Variants in MAGI1 observed in about 807,000 individuals in gnomAD.
MAGI1 encodes the protein membrane-associated guanylate kinase, WW and PDZ domain-containing protein 1.
MAGI1 carries 58 observed loss-of-function variants against 139.9 expected under a neutral mutation model. The observed-to-expected ratio is 0.41, with a 90% confidence interval of 0.34 to 0.52. The LOEUF is 0.52. Among genes scored for constraint, MAGI1 ranks in the 20% least tolerant of loss-of-function variants. The pLI is 0.12. For synonymous variants in MAGI1, 812 were observed against 737.9 expected (o/e 1.10, Z -1.63); for missense variants, 1,874 against 1,901.6 (o/e 0.99, Z 0.27).
At chr3:65,744,367 C>T (rs2035519775) in intron 1 of MAGI1, among the ~76,000 whole-genome samples, 1 of 152,180 alleles carries the variant, frequency 6.6e-6, no homozygotes, top group African/African-American at 2.4e-5. Flanking sequence ...CTGGCTTCTA[C>T]CTCCCTCCGA....
At chr3:65,375,186 A>G (rs944158152) in intron 18 of MAGI1, among the ~76,000 whole-genome samples, 1 of 148,504 alleles carries the variant, frequency 6.7e-6, no homozygotes, top group Non-Finnish European at 1.5e-5. Flanking sequence ...TTTTTCTGAA[A>G]CTTTTTTTTT....
intron 1 of MAGI1, among the ~76,000 whole-genome samples, chr3:65,899,785 G>A (rs548441175): frequency 6.6e-6 from 1 of 152,250 alleles, no homozygotes; most frequent in East Asian, 1.9e-4. Flanking sequence ...TTCTGAATGG[G>A]ACTTTCAAAG....
At chr3:65,795,518 A>G (rs2040068108) in intron 1 of MAGI1, among the ~76,000 whole-genome samples, 1 of 152,148 alleles carries the variant, frequency 6.6e-6, no homozygotes, top group African/African-American at 2.4e-5. Context: ...AGTGACTGAG[A>G]GGGGTTTTGT....
Position 65,921,919 on chromosome 3 carries a change from GACACACACACACAC to G in MAGI1, c.313+116063_313+116076del, listed in dbSNP as rs35532734. Among the ~76,000 whole-genome samples, 17 of 140,844 alleles carry G rather than the reference GACACACACACACAC, an allele frequency of 1.2e-4. No homozygotes were observed. The East Asian group carries it at 2.9e-3, about 24-fold the overall frequency. The allele number at this position is 140,844 out of a possible 152,430, so 92.4% of individuals were successfully genotyped here. On this transcript the variant is annotated intron_variant, in intron 1 of 22. Coordinates refer to ENST00000402939, the MANE Select transcript of MAGI1 (RefSeq NM_001033057.2). ...AGACCCTATCTCCAACCACACACAC[GACACACACACACAC>G]ACACACACACACACACACACACTAC...
At chr3:65,888,006 A>T (rs2060598414) in intron 1 of MAGI1, among the ~76,000 whole-genome samples, 1 of 152,184 alleles carries the variant, frequency 6.6e-6, no homozygotes, top group Admixed American at 6.5e-5. Context: ...TCAATATGGT[A>T]TATTCTGTGT....
Position 65,500,250 on chromosome 3 carries a change from T to C in MAGI1, c.431-6619A>G, listed in dbSNP as rs72898103. ...ACTGCTCATCACTTAAACAGGGTCC[T>C]TTTTAAGTATTTAAGTACCTCCAAG... On this transcript the variant is annotated intron_variant, in intron 2 of 22. Coordinates refer to ENST00000402939, the MANE Select transcript of MAGI1 (RefSeq NM_001033057.2). Among the ~76,000 whole-genome samples, 1,090 of 152,324 alleles carry C rather than the reference T, an allele frequency of 7.2e-3. 21 individuals are homozygous for C. The highest frequency in any genetic ancestry group is 0.025 in the African/African-American group (1,057 of 41,574).
intron 2 of MAGI1, among the ~76,000 whole-genome samples, chr3:65,599,214 G>A (rs1298082040): frequency 6.6e-6 from 1 of 152,156 alleles, no homozygotes; most frequent in Non-Finnish European, 1.5e-5. Flanking sequence ...ATTACAAATG[G>A]GTGGATCATA....
chr3:66,002,004 T>C (rs906066359), intron 1 of MAGI1, among the ~76,000 whole-genome samples: 4 of 152,180 alleles, frequency 2.6e-5, no homozygotes, highest in Non-Finnish European at 4.4e-5. Flanking sequence ...TCAAGTCTTA[T>C]AAGCCCCAGT....
chr3:65,403,252 T>C (rs1413121341), intron 12 of MAGI1, among the ~76,000 whole-genome samples: 1 of 152,154 alleles, frequency 6.6e-6, no homozygotes, highest in Non-Finnish European at 1.5e-5. Flanking sequence ...CTTTTCACCC[T>C]CCTTAGCTAA....
chr3:65,716,234 A>C (rs2032228987), intron 1 of MAGI1, among the ~76,000 whole-genome samples: 1 of 152,190 alleles, frequency 6.6e-6, no homozygotes, highest in Non-Finnish European at 1.5e-5. Context: ...ACAGAGAATG[A>C]TACAGGGACT....
At chr3:65,866,126 T>C (rs1359481713) in intron 1 of MAGI1, among the ~76,000 whole-genome samples, 1 of 151,384 alleles carries the variant, frequency 6.6e-6, no homozygotes, top group Non-Finnish European at 1.5e-5. Flanking sequence ...AATATATAAA[T>C]ATAAAACATG....
chr3:65,399,517 A>G (rs1024525843), intron 13 of MAGI1, among the ~76,000 whole-genome samples: 3 of 152,184 alleles, frequency 2.0e-5, no homozygotes, highest in African/African-American at 7.2e-5. Flanking sequence ...CTGTCCTGGC[A>G]CAGAAATCAG....
In MAGI1 at chr3:65,429,504, A is replaced by G. The variant is rs375927333; in HGVS notation, c.2167+16T>C. 1 of 1,578,758 alleles carries G rather than the reference A, an allele frequency of 6.3e-7. No homozygotes were observed. Among genetic ancestry groups the G allele is most frequent in the Non-Finnish European group, 8.6e-7 (1 of 1,162,214 alleles). ...GGATAAAAAAAAAATTCAAAGAACA[A>G]AACAACCCTACTTACCTCCTCGTTG... is the stretch of plus-strand genomic sequence containing the variant. On this transcript the variant is annotated intron_variant, in intron 12 of 22. Transcript: ENST00000402939.
intron 9 of MAGI1, among the ~76,000 whole-genome samples, chr3:65,438,424 T>C (rs1947999445): frequency 6.6e-6 from 1 of 152,202 alleles, no homozygotes; most frequent in African/African-American, 2.4e-5. Context: ...GGGTACAATG[T>C]ATACTATTTG....
intron 1 of MAGI1, among the ~76,000 whole-genome samples, chr3:65,946,700 T>C (rs949670048): frequency 6.6e-6 from 1 of 152,088 alleles, no homozygotes; most frequent in Admixed American, 6.6e-5. Context: ...CACCCAGATC[T>C]GGCAGCGCAC....
chr3:65,611,078 T>G (rs1576473801), intron 2 of MAGI1, among the ~76,000 whole-genome samples: 1 of 135,890 alleles, frequency 7.4e-6, no homozygotes, highest in African/African-American at 2.7e-5. Context: ...GTATAGTATA[T>G]GTACTATATA....
intron 1 of MAGI1, among the ~76,000 whole-genome samples, chr3:65,876,668 TGATATTA>T (rs1456038161): frequency 6.6e-6 from 1 of 152,060 alleles, no homozygotes; most frequent in African/African-American, 2.4e-5. Context: ...TGGGCAGCAG[TGATATTA>T]AAGATTAATG....
intron 1 of MAGI1, among the ~76,000 whole-genome samples, chr3:65,847,785 G>A (rs184350037): frequency 5.9e-5 from 9 of 152,278 alleles, no homozygotes; most frequent in African/African-American, 1.2e-4. Context: ...TGGGTACTAC[G>A]CTCTTCACTA....
chr3:65,434,334 A>G (rs907187148), intron 10 of MAGI1, among the ~76,000 whole-genome samples: 2 of 152,164 alleles, frequency 1.3e-5, no homozygotes, highest in African/African-American at 2.4e-5. Context: ...TAAGAGCTCA[A>G]TAAGTGAGTT....
Sources: allele counts gnomAD v4.1 joint callset (sites outside exome capture counted in the v4.1 genomes callset), GRCh38; gene constraint gnomAD v4.1.1; transcripts MANE v1.5; gene names NCBI Gene and HGNC (gene_info 2026-07-23, HGNC 2026-07-21).